The following TMEM114 variants were observed in gnomAD, a reference collection of about 807,000 sequenced individuals.
TMEM114 encodes transmembrane protein 114.
Under a neutral mutation model 6.2 loss-of-function variants are expected in TMEM114, and 6 were observed. That is an observed-to-expected ratio of 0.97 (90% CI 0.53 to 1.91). TMEM114 has a LOEUF of 1.91. Among genes scored for constraint, TMEM114 ranks in the 40% most tolerant of loss-of-function variants. TMEM114 has a pLI of 0.01. For synonymous variants in TMEM114, 104 were observed against 73.0 expected (o/e 1.42, Z -2.16); for missense variants, 218 against 158.3 (o/e 1.38, Z -2.02).
intron 2 of TMEM114, among the ~76,000 whole-genome samples, chr16:8,551,536 C>T (rs770140053): frequency 6.6e-6 from 1 of 152,222 alleles, no homozygotes; most frequent in African/African-American, 2.4e-5. Flanking sequence ...CCAAACTCAA[C>T]TTCCTGTGGC....
chr16:8,531,161 T>C, the TMEM114 span, among the ~76,000 whole-genome samples: 1 of 152,234 alleles, frequency 6.6e-6, no homozygotes, highest in Non-Finnish European at 1.5e-5. Flanking sequence ...CACTACTCTT[T>C]ATATAGTTAC....
intron 2 of TMEM114, among the ~76,000 whole-genome samples, chr16:8,545,249 G>T (rs1900627969): frequency 6.6e-6 from 1 of 152,066 alleles, no homozygotes; most frequent in African/African-American, 2.4e-5. Context: ...ACCAACCTGG[G>T]CAACATAGCA....
chr16:8,572,226 T>G lies in TMEM114; in HGVS notation c.302-2A>C, dbSNP rs1260562400. The G allele has an allele frequency of 6.4e-7, 1 of 1,551,456 alleles. No homozygotes were observed. The highest frequency in any genetic ancestry group is 8.7e-7 in the Non-Finnish European group (1 of 1,146,974). The stretch of plus-strand genomic sequence containing the variant: ...GAATCACAAATGTCCCATGCATGGC[T>G]TAGAAGAGACAGAGAGGATACCAGG... On this transcript the variant is annotated splice_acceptor_variant, in intron 2 of 3. Transcript: ENST00000620492. LOFTEE classifies it high-confidence loss of function.
chr16:8,560,883 A>G (rs1274011973), intron 2 of TMEM114, among the ~76,000 whole-genome samples: 1 of 152,202 alleles, frequency 6.6e-6, no homozygotes, highest in African/African-American at 2.4e-5. Flanking sequence ...AATTATAAAG[A>G]AAAAGAGATT....
chr16:8,548,596 T>C (rs1900745217), intron 2 of TMEM114, among the ~76,000 whole-genome samples: 1 of 152,122 alleles, frequency 6.6e-6, no homozygotes, highest in South Asian at 2.1e-4. Flanking sequence ...CTAGACCTTT[T>C]TCACCCCCTA....
Position 8,569,958 on chromosome 16 carries a change from C to T in TMEM114, c.487G>A (p.Ala163Thr), listed in dbSNP as rs1567206326. The change falls in exon 4 of 4, where the codon GCC becomes ACC. Residue 163 changes from alanine to threonine, a missense_variant. Transcript: ENST00000620492. ...GISVYIAYSAAAFREALCLLE... is the reference protein window; with the variant it reads ...GISVYIAYSATAFREALCLLE... ...AGACACAGCGCCTCCCGGAAGGCGG[C>T]GGCTGAATACGCTATGTAGACGCTG... is the stretch of plus-strand genomic sequence containing the variant. 9 of 1,550,978 alleles carry T rather than the reference C, an allele frequency of 5.8e-6. No individual in the cohort carries two copies. The highest frequency in any genetic ancestry group is 2.4e-5 in the South Asian group (2 of 84,064).
At chr16:8,539,022 C>T (rs1900442029) in intron 2 of TMEM114, among the ~76,000 whole-genome samples, 1 of 152,114 alleles carries the variant, frequency 6.6e-6, no homozygotes, top group South Asian at 2.1e-4. Flanking sequence ...TACTCAATAA[C>T]TTCATGTTTG....
intron 2 of TMEM114, among the ~76,000 whole-genome samples, chr16:8,539,003 A>G (rs1900441616): frequency 6.6e-6 from 1 of 152,214 alleles, no homozygotes; most frequent in Non-Finnish European, 1.5e-5. Context: ...AAGGAGCTCA[A>G]TAAATATGTA....
chr16:8,528,363 A>G, the TMEM114 span, among the ~76,000 whole-genome samples: 4 of 152,138 alleles, frequency 2.6e-5, no homozygotes, highest in Admixed American at 1.3e-4. Context: ...CAGAAGATGT[A>G]CCTGGCTCAT....
At chr16:8,550,676 C>CAA (rs1371193351) in intron 2 of TMEM114, among the ~76,000 whole-genome samples, 1 of 114,440 alleles carries the variant, frequency 8.7e-6, no homozygotes, top group East Asian at 2.5e-4. Context: ...AAAACTTCGT[C>CAA]AAAAAAAACA....
chr16:8,560,062 T>A (rs1901148961), intron 2 of TMEM114, among the ~76,000 whole-genome samples: 1 of 152,124 alleles, frequency 6.6e-6, no homozygotes, highest in African/African-American at 2.4e-5. Context: ...AGTGGTGCCA[T>A]CACAGCTCAC....
chr16:8,533,368 A>T (rs1466841762), downstream of TMEM114, among the ~76,000 whole-genome samples: 1 of 152,230 alleles, frequency 6.6e-6, no homozygotes, highest in Admixed American at 6.5e-5. Flanking sequence ...GCAAGTGTCA[A>T]GGTCCTGGAG....
At chr16:8,548,191 A>T (rs1452752944) in intron 2 of TMEM114, among the ~76,000 whole-genome samples, 1 of 152,164 alleles carries the variant, frequency 6.6e-6, no homozygotes. Context: ...CTGACTGAGC[A>T]AGGGGCTTAG....
At chr16:8,545,156 G>T (rs146087537) in intron 2 of TMEM114, among the ~76,000 whole-genome samples, 2 of 151,794 alleles carry the variant, frequency 1.3e-5, no homozygotes, top group African/African-American at 4.8e-5. Flanking sequence ...GTCTATTTTT[G>T]GCCAGGCTCA....
chr16:8,545,007 G>A (rs1021120584), intron 2 of TMEM114, among the ~76,000 whole-genome samples: 11 of 152,080 alleles, frequency 7.2e-5, no homozygotes, highest in African/African-American at 2.4e-4. Context: ...AGTTTCCACA[G>A]TGCATGTTTC....
intron 2 of TMEM114, among the ~76,000 whole-genome samples, chr16:8,579,009 G>A (rs991477757): frequency 1.3e-5 from 2 of 152,066 alleles, no homozygotes; most frequent in Non-Finnish European, 2.9e-5. Flanking sequence ...AATATTGGCA[G>A]GCCATTGTTT....
chr16:8,564,997 G>C (rs1037254405), downstream of TMEM114, among the ~76,000 whole-genome samples: 5 of 151,962 alleles, frequency 3.3e-5, no homozygotes, highest in African/African-American at 1.2e-4. Flanking sequence ...GAGTGAATGA[G>C]TAAATAAGTG....
In TMEM114 at chr16:8,548,445, A is replaced by G. The variant is rs112559946; in HGVS notation, n.213-10619T>C. On this transcript the variant is annotated intron_variant and non_coding_transcript_variant, in intron 2 of 2. Coordinates refer to the TMEM114 transcript ENST00000623677. The stretch of plus-strand genomic sequence containing the variant: ...CAGCATGGCTTTACAACCTTTTATT[A>G]TTATTACCTCCCTGATGAGTCTTTT... Among the ~76,000 whole-genome samples the G allele has an allele frequency of 1.0e-3, 155 of 152,196 alleles. 2 individuals carry two copies. The highest frequency in any genetic ancestry group is 3.4e-3 in the Middle Eastern group (1 of 294).
At chr16:8,530,166 C>A in the TMEM114 span, among the ~76,000 whole-genome samples, 1 of 152,322 alleles carries the variant, frequency 6.6e-6, no homozygotes, top group Non-Finnish European at 1.5e-5. Flanking sequence ...TTCTCATCTC[C>A]TTCCCACCCT....
Sources: allele counts gnomAD v4.1 joint callset (sites outside exome capture counted in the v4.1 genomes callset), GRCh38; gene constraint gnomAD v4.1.1; transcripts MANE v1.5; gene names NCBI Gene and HGNC (gene_info 2026-07-23, HGNC 2026-07-21).